ABCC3: variants seen among roughly 807,000 people sequenced by gnomAD.
The protein encoded by ABCC3 is ATP-binding cassette sub-family C member 3.
ABCC3 carries 121 observed loss-of-function variants against 165.3 expected under a neutral mutation model. The ratio of observed to expected loss-of-function variants is 0.73; its 90% CI spans 0.63 to 0.85. The LOEUF is 0.85. Ranked by LOEUF, ABCC3 falls within the 40% of genes least tolerant of loss-of-function variation. The probability of loss-of-function intolerance (pLI) is 0.00; values close to 1 mark genes in which losing one functional copy is unlikely to be tolerated. For missense variants in ABCC3, 1,869 were observed against 1,964.1 expected, an observed-to-expected ratio of 0.95 and a Z score of 0.92; for synonymous variants, 733 against 810.1, an observed-to-expected ratio of 0.90 and a Z score of 1.62.
In ABCC3 at chr17:50,684,878, A is replaced by T. The variant is rs1261033590; in HGVS notation, c.4280+3A>T. 16 of 1,613,792 alleles carry T rather than the reference A, an allele frequency of 9.9e-6. No homozygotes were observed. The highest frequency in any genetic ancestry group is 1.4e-5 in the Non-Finnish European group (16 of 1,179,908). On this transcript the variant is annotated splice_donor_region_variant and intron_variant, in intron 29 of 30. Transcript: ENST00000285238. ...TCAGAGGGCGGGGAGAATCTCAGGT[A>T]AACACTGGGAGTGCAGAGGTCAGGA...
At chr17:50,676,232 C>T (rs376206516) in intron 22 of ABCC3, 46 bp from the exon 23 acceptor site, 26 of 1,589,832 alleles carry the variant, frequency 1.6e-5, no homozygotes, top group South Asian at 6.9e-5. Context: ...CCTTTGTGCC[C>T]GCTCACTAGT....
chr17:50,657,949 G>A, intron 4 of ABCC3, 133 bp from the exon 5 acceptor site: 1 of 1,229,384 alleles, frequency 8.1e-7, no homozygotes, highest in East Asian at 2.4e-5. Context: ...AGTCCTCTGA[G>A]TGGGGACCTG....
In ABCC3 at chr17:50,674,028, CTCTCTCTCTT is replaced by C. The variant is rs1567835717; in HGVS notation, c.2599+374_2599+383del. On this transcript the variant is annotated intron_variant, in intron 19 of 30. Coordinates refer to ENST00000285238, the MANE Select transcript of ABCC3 (RefSeq NM_003786.4). The stretch of plus-strand genomic sequence containing the variant: ...TCTCTCTCTCTCTCTCTCTCTCTCT[CTCTCTCTCTT>C]TCTTTCTTTCTTTCTTTCTTTCTTT... Among the ~76,000 whole-genome samples the C allele has an allele frequency of 4.0e-4, 12 of 30,330 alleles. 4 individuals carry two copies. Among genetic ancestry groups the C allele is most frequent in the African/African-American group, 2.6e-3 (10 of 3,818 alleles). 19.9% of individuals were successfully genotyped at this position (30,330 alleles called of 152,430 possible).
intron 17 of ABCC3, 54 bp downstream of exon 17, chr17:50,669,582 A>C: frequency 1.3e-6 from 2 of 1,581,398 alleles, no homozygotes; most frequent in Non-Finnish European, 1.7e-6. Context: ...TGCCCACCTC[A>C]ACCCAGCCCA....
intron 1 of ABCC3, among the ~76,000 whole-genome samples, chr17:50,638,017 T>G (rs1426987407): frequency 6.6e-6 from 1 of 152,230 alleles, no homozygotes; most frequent in Non-Finnish European, 1.5e-5. Flanking sequence ...GGTGAATGAT[T>G]TGTGTGAATC....
intron 28 of ABCC3, among the ~76,000 whole-genome samples, 159 bp from the exon 29 acceptor site, chr17:50,684,550 A>T (rs1361635158): frequency 6.6e-6 from 1 of 152,110 alleles, no homozygotes; most frequent in Non-Finnish European, 1.5e-5. Flanking sequence ...ACTCCCCTAC[A>T]GGCAATTTTC....
Position 50,657,144 on chromosome 17 carries a change from C to T in ABCC3, c.447C>T (p.Ile149=), listed in dbSNP as rs1037736149. Reference sequence around the variant, plus strand: ...GGTTCCTGTGTGTGGTCTGCGCCATCGTCCCATTCCGCTCCAAGATCCTTT... The same window carrying T: ...GGTTCCTGTGTGTGGTCTGCGCCATTGTCCCATTCCGCTCCAAGATCCTTT... The part of the protein sequence containing the change: ...IFWFLCVVCA[I]VPFRSKILLA... The change falls in exon 4 of 31, where the codon ATC becomes ATT. Residue 149 remains isoleucine (I), a synonymous_variant. Transcript: ENST00000285238. 8 of 1,614,026 alleles carry T rather than the reference C, an allele frequency of 5.0e-6. No individual in the cohort carries two copies. The highest frequency in any genetic ancestry group is 2.7e-5 in the African/African-American group (2 of 74,918).
At chr17:50,682,744 G>A (rs1028301500) in intron 26 of ABCC3, among the ~76,000 whole-genome samples, 1 of 152,180 alleles carries the variant, frequency 6.6e-6, no homozygotes, top group Non-Finnish European at 1.5e-5. Flanking sequence ...CTTATCTGTT[G>A]ATTATATGCC....
At chr17:50,681,207 A>C (rs1967922018) in intron 26 of ABCC3, among the ~76,000 whole-genome samples, 1 of 152,118 alleles carries the variant, frequency 6.6e-6, no homozygotes, top group Admixed American at 6.5e-5. Flanking sequence ...TCTGTTGAAT[A>C]ATCTCTGTCC....
chr17:50,656,724 GC>G lies in ABCC3; in HGVS notation c.246del (p.Cys82TrpfsTer41). On this transcript the variant is annotated frameshift_variant, in exon 3 of 31. Coordinates refer to ENST00000285238, the MANE Select transcript of ABCC3 (RefSeq NM_003786.4). LOFTEE classifies it high-confidence loss of function. ...LKMVLGVLLW[C>X]VSWADLFYSF... Reference sequence around the variant, plus strand: ...CAGGTCCTGGGTGTCCTGCTGTGGTGCGTCTCCTGGGCGGACCTTTTTTACT... The same window carrying G: ...CAGGTCCTGGGTGTCCTGCTGTGGTGGTCTCCTGGGCGGACCTTTTTTACT... 1 of 1,613,714 alleles carries G rather than the reference GC, an allele frequency of 6.2e-7. No individual in the cohort carries two copies. Among genetic ancestry groups the G allele is most frequent in the Non-Finnish European group, 8.5e-7 (1 of 1,179,842 alleles).
At chr17:50,685,517 A>G (rs1299213849) in intron 29 of ABCC3, among the ~76,000 whole-genome samples, 1 of 152,274 alleles carries the variant, frequency 6.6e-6, no homozygotes, top group Non-Finnish European at 1.5e-5. Context: ...AGGAAAAACA[A>G]GCAAAATAAA....
Position 50,673,968 on chromosome 17 carries a change from C to G in ABCC3, c.2599+310C>G, listed in dbSNP as rs533743867. On this transcript the variant is annotated intron_variant, in intron 19 of 30. Transcript: ENST00000285238. ...TCTTTCTTTCTTTCTTTCTTTCTTT[C>G]TTTCTTTCTTTCTCTCTCTCTCTCT... 1.0e-3 allele frequency among the ~76,000 whole-genome samples: 17 copies of G among 17,052 alleles called. 1 individual carries two copies. In the South Asian group the frequency reaches 0.043, roughly 43 times the overall value. The allele number at this position is 17,052 out of a possible 152,430, so 11.2% of individuals were successfully genotyped here.
In ABCC3 at chr17:50,664,024, C is replaced by G. The variant is rs773590095; in HGVS notation, c.1251C>G (p.Ala417=). 4.3e-6 allele frequency: 7 copies of G among 1,614,000 alleles called. No individual in the cohort carries two copies. The African/African-American group carries it at 9.3e-5, about 22-fold the overall frequency. The change falls in exon 10 of 31, where the codon GCC becomes GCG. Residue 417 remains alanine, a synonymous_variant. Coordinates refer to ENST00000285238, the MANE Select transcript of ABCC3 (RefSeq NM_003786.4). ...TTGTCAACCTCATGTCAGTGGATGC[C>G]CAGCGCTTCATGGACCTTGCCCCCT... ...GEIVNLMSVD[A]QRFMDLAPFL... is the part of the protein sequence containing the mutation.
In ABCC3 at chr17:50,668,436, G is replaced by A. The variant is rs768442839; in HGVS notation, c.1789G>A (p.Val597Met). 7 of 1,613,712 alleles carry A rather than the reference G, an allele frequency of 4.3e-6. No homozygotes were observed. The highest frequency in any genetic ancestry group is 1.3e-5 in the African/African-American group (1 of 74,838). Residue 597 changes from valine to methionine, a missense_variant, in exon 14 of 31, where the codon GTG (valine) becomes ATG (methionine). By Grantham distance (21) the Val-to-Met change is conservative. Coordinates refer to ENST00000285238, the MANE Select transcript of ABCC3 (RefSeq NM_003786.4). ...GACTCACATCCTCCCGTAGGCCAGTGTGTCTCTGAAACGGATCCAGCAATT... is the reference window on the plus strand; with the variant it reads ...GACTCACATCCTCCCGTAGGCCAGTATGTCTCTGAAACGGATCCAGCAATT... ...QLISNLTQAS[V>M]SLKRIQQFLS...
In ABCC3 at chr17:50,664,029, G is replaced by T. The variant is rs142924921; in HGVS notation, c.1256G>T (p.Arg419Leu). 6.2e-7 allele frequency: 1 copy of T among 1,614,194 alleles called. No individual in the cohort carries two copies. The highest frequency in any genetic ancestry group is 1.7e-5 in the Admixed American group (1 of 60,024). ...IVNLMSVDAQ[R>L]FMDLAPFLNL... ...AACCTCATGTCAGTGGATGCCCAGC[G>T]CTTCATGGACCTTGCCCCCTTCCTC... Residue 419 changes from arginine to leucine, a missense_variant, in exon 10 of 31, where the codon CGC becomes CTC. Arg to Leu is a moderately radical substitution (Grantham distance 102). Coordinates refer to ENST00000285238, the MANE Select transcript of ABCC3 (RefSeq NM_003786.4).
chr17:50,643,428 T>G, intron 1 of ABCC3: 1 of 422,012 alleles, frequency 2.4e-6, no homozygotes, highest in South Asian at 1.7e-5. Context: ...TAGGACAAGA[T>G]GTACATGGTA....
chr17:50,661,467 G>C (rs187512305), intron 8 of ABCC3, among the ~76,000 whole-genome samples: 1 of 152,228 alleles, frequency 6.6e-6, no homozygotes, highest in South Asian at 2.1e-4. Flanking sequence ...AGGGCACACA[G>C]CAAAGAAGGA....
chr17:50,687,752 AATGGGGAACCTG>A (rs746909384), intron 30 of ABCC3, 22 bp downstream of exon 30: 1 of 1,606,968 alleles, frequency 6.2e-7, no homozygotes, highest in Non-Finnish European at 8.5e-7. Flanking sequence ...AAACCTGAGC[AATGGGGAACCTG>A]GTGGGGCCAC....
chr17:50,684,010 T>C lies in ABCC3; in HGVS notation c.4016T>C (p.Ile1339Thr), dbSNP rs1216120620. The C allele has an allele frequency of 6.2e-6, 10 of 1,613,286 alleles. No homozygotes were observed. The highest frequency in any genetic ancestry group is 8.5e-6 in the Non-Finnish European group (10 of 1,179,746). The change falls in exon 28 of 31, where the codon ATC becomes ACC. Residue 1339 changes from isoleucine (I) to threonine (T), a missense_variant. Ile to Thr is a moderately conservative substitution (Grantham distance 89). Transcript: ENST00000285238. ...KSSMTLCLFR[I>T]LEAAKGEIRI... ...TCCATGACCCTTTGCCTGTTCCGCA[T>C]CCTGGAGGCGGCAAAGGGTGAAATC...
Sources: gnomAD v4.1 joint callset for allele counts (sites outside exome capture counted in the v4.1 genomes callset) on GRCh38, gnomAD v4.1.1 for gene constraint, MANE v1.5 for transcripts, NCBI Gene and HGNC (gene_info 2026-07-23, HGNC 2026-07-21) for gene names.